Variants in SLC4A4 observed in about 807,000 individuals in gnomAD.
SLC4A4 encodes the protein solute carrier family 4 member 4.
A neutral mutation model predicts 111.5 loss-of-function variants in SLC4A4; 27 were observed. The observed-to-expected ratio is 0.24, with a 90% CI of 0.18 to 0.33. SLC4A4 has a LOEUF of 0.33. Ranked by LOEUF, SLC4A4 falls within the 10% of genes least tolerant of loss-of-function variation. SLC4A4 has a pLI of 1.00. For missense variants in SLC4A4, 909 were observed against 1,315.5 expected (o/e 0.69, Z 4.78); for synonymous variants, 443 against 463.4 (o/e 0.96, Z 0.57).
intron 6 of SLC4A4, among the ~76,000 whole-genome samples, chr4:71,397,134 G>A (rs1165129235): frequency 6.6e-6 from 1 of 152,174 alleles, no homozygotes; most frequent in African/African-American, 2.4e-5. Flanking sequence ...AAAGGCCTGG[G>A]GGAGAGGAGG....
intron 7 of SLC4A4, among the ~76,000 whole-genome samples, chr4:71,399,623 G>A (rs555607999): frequency 2.6e-5 from 4 of 151,200 alleles, no homozygotes; most frequent in African/African-American, 9.7e-5. Flanking sequence ...TTTTTACATA[G>A]TTGCCCTCAT....
chr4:71,111,532 T>TG (rs1560725489), intron 2 of SLC4A4, among the ~76,000 whole-genome samples: 1,389 of 134,548 alleles, frequency 0.01, 41 homozygotes, highest in African/African-American at 0.037. Flanking sequence ...AGGTTTTTTT[T>TG]TTTTTTTTTT....
chr4:71,497,744 A>T, intron 16 of SLC4A4, 52 bp downstream of exon 16: 1 of 1,462,356 alleles, frequency 6.8e-7, no homozygotes, highest in East Asian at 2.3e-5. Flanking sequence ...TGTATCAACA[A>T]TAATACAACT....
At chr4:71,537,366 ATGTGTGTATATATACATATG>A (rs201684024) in intron 18 of SLC4A4, among the ~76,000 whole-genome samples, 13 of 145,346 alleles carry the variant, frequency 8.9e-5, no homozygotes, top group African/African-American at 1.8e-4. Context: ...ATATATACAT[ATGTGTGTATATATACATATG>A]TGTGTGTATA....
At chr4:71,063,279 T>G (rs182365268) in intron 1 of SLC4A4, among the ~76,000 whole-genome samples, 1 of 152,306 alleles carries the variant, frequency 6.6e-6, no homozygotes, top group Admixed American at 6.5e-5. Context: ...TATTGGTAGT[T>G]TCTATAAAGT....
At chr4:71,400,715 A>G (rs1221782345) in intron 7 of SLC4A4, among the ~76,000 whole-genome samples, 1 of 152,158 alleles carries the variant, frequency 6.6e-6, no homozygotes, top group Non-Finnish European at 1.5e-5. Context: ...CAGTTTCTAT[A>G]CCTACTATTT....
At chr4:71,172,801 A>G (rs1193142266) in intron 2 of SLC4A4, among the ~76,000 whole-genome samples, 4 of 152,194 alleles carry the variant, frequency 2.6e-5, no homozygotes, top group Admixed American at 2.6e-4. Flanking sequence ...GAACACCAAG[A>G]AAAAGATTTC....
At chr4:71,161,677 T>C (rs545358477) in intron 2 of SLC4A4, among the ~76,000 whole-genome samples, 1 of 152,196 alleles carries the variant, frequency 6.6e-6, no homozygotes, top group Non-Finnish European at 1.5e-5. Context: ...TAATATGCTA[T>C]TAACTGTTGA....
intron 1 of SLC4A4, among the ~76,000 whole-genome samples, chr4:71,070,433 T>G (rs1010406542): frequency 1.3e-5 from 2 of 152,202 alleles, no homozygotes; most frequent in South Asian, 4.1e-4. Flanking sequence ...CATTGGTTTT[T>G]AAAGGCTTCT....
chr4:71,304,668 G>A (rs1227712153), intron 3 of SLC4A4, among the ~76,000 whole-genome samples: 5 of 152,200 alleles, frequency 3.3e-5, no homozygotes, highest in African/African-American at 1.2e-4. Flanking sequence ...ATACCTTAGT[G>A]TGGAAGTAAG....
chr4:71,138,700 G>A (rs902429204), intron 2 of SLC4A4, among the ~76,000 whole-genome samples: 3 of 152,140 alleles, frequency 2.0e-5, no homozygotes, highest in Non-Finnish European at 4.4e-5. Context: ...TTATTTTGCA[G>A]GAGGGAAGAA....
At chr4:71,236,340 C>A in intron 1 of SLC4A4, 1 of 942,670 alleles carries the variant, frequency 1.1e-6, no homozygotes, top group Non-Finnish European at 1.4e-6. Context: ...TTTCTCTTAC[C>A]TGTCTATGTG....
intron 2 of SLC4A4, among the ~76,000 whole-genome samples, chr4:71,178,865 G>C (rs1299773221): frequency 6.6e-6 from 1 of 152,112 alleles, no homozygotes; most frequent in Non-Finnish European, 1.5e-5. Flanking sequence ...GAGGCCAGCA[G>C]CATCCTGATA....
intron 2 of SLC4A4, among the ~76,000 whole-genome samples, chr4:71,108,745 C>A (rs1743010775): frequency 6.6e-6 from 1 of 152,136 alleles, no homozygotes; most frequent in African/African-American, 2.4e-5. Flanking sequence ...CTTTCTCTCT[C>A]TCTCTTCTCA....
At chr4:71,487,065 G>A in intron 15 of SLC4A4, 47 bp downstream of exon 15, 2 of 1,089,454 alleles carry the variant, frequency 1.8e-6, no homozygotes, top group Non-Finnish European at 2.8e-6. Flanking sequence ...ACTGCATATT[G>A]TATACTTGTT....
intron 2 of SLC4A4, among the ~76,000 whole-genome samples, chr4:71,178,887 C>G (rs531824158): frequency 6.6e-6 from 1 of 152,278 alleles, no homozygotes; most frequent in African/African-American, 2.4e-5. Context: ...CAAAGCCTGG[C>G]AGAGACACAA....
chr4:71,281,353 C>T (rs2602049), intron 3 of SLC4A4, among the ~76,000 whole-genome samples: 1 of 152,046 alleles, frequency 6.6e-6, no homozygotes, highest in South Asian at 2.1e-4. Context: ...TTGGTTTTGA[C>T]GGAAAGCATA....
At position 71,077,870 on chromosome 4, in the gene SLC4A4, A is replaced by G. The variant is rs1490664954; in HGVS notation, c.-64-14860A>G. Among the ~76,000 whole-genome samples, 5 of 152,322 alleles carry G rather than the reference A, an allele frequency of 3.3e-5. 1 individual carries two copies. Among genetic ancestry groups the G allele is most frequent in the South Asian group, 4.1e-4 (2 of 4,822 alleles). Reference sequence around the variant, plus strand: ...AAAATACACTTTTAAGCATTTTCCCATACATTAACAGGCAAAAGAATGTCT... The same window carrying G: ...AAAATACACTTTTAAGCATTTTCCCGTACATTAACAGGCAAAAGAATGTCT... On this transcript the variant is annotated intron_variant, in intron 1 of 26. Coordinates refer to the SLC4A4 transcript ENST00000649996.
intron 24 of SLC4A4, 39 bp from the exon 25 acceptor site, chr4:71,566,965 G>T: frequency 2.0e-6 from 3 of 1,533,826 alleles, no homozygotes; most frequent in Non-Finnish European, 2.7e-6. Context: ...CTTCACCAAA[G>T]ATCTACCATT....
Sources: gnomAD v4.1 joint callset for allele counts (sites outside exome capture counted in the v4.1 genomes callset) on GRCh38, gnomAD v4.1.1 for gene constraint, MANE v1.5 for transcripts, NCBI Gene and HGNC (gene_info 2026-07-23, HGNC 2026-07-21) for gene names.